The following CRPPA variants were observed in gnomAD, a reference collection of about 807,000 sequenced individuals.
CRPPA encodes the protein CDP-L-ribitol pyrophosphorylase A.
Under a neutral mutation model 52.0 loss-of-function variants are expected in CRPPA, and 43 were observed. The observed-to-expected ratio is 0.83, with a 90% CI of 0.65 to 1.07. The LOEUF (loss-of-function observed/expected upper bound fraction) is 1.07, where lower values mean the gene tolerates loss of function less well. Ranked by LOEUF, CRPPA falls within the 50% of genes least tolerant of loss-of-function variation. CRPPA has a pLI of 0.00. For synonymous variants in CRPPA, 250 were observed against 203.5 expected, an observed-to-expected ratio of 1.23 and a Z score of -1.94; for missense variants, 629 against 551.7, an observed-to-expected ratio of 1.14 and a Z score of -1.40.
intron 2 of CRPPA, among the ~76,000 whole-genome samples, chr7:16,398,283 G>T (rs1787672479): frequency 6.6e-6 from 1 of 151,830 alleles, no homozygotes; most frequent in African/African-American, 2.4e-5. Context: ...TGATTGACAA[G>T]ACAAACACGT....
intron 5 of CRPPA, among the ~76,000 whole-genome samples, chr7:16,298,661 T>A (rs1269326785): frequency 6.6e-6 from 1 of 152,230 alleles, no homozygotes; most frequent in Non-Finnish European, 1.5e-5. Flanking sequence ...ATTTTATGTG[T>A]CAATTACATC....
intron 3 of CRPPA, among the ~76,000 whole-genome samples, chr7:16,347,221 C>G (rs1454612591): frequency 2.0e-5 from 3 of 152,040 alleles, no homozygotes; most frequent in Non-Finnish European, 4.4e-5. Flanking sequence ...ATATAACAAG[C>G]AGGAAAACCA....
chr7:16,119,035 C>G (rs950948890), intron 9 of CRPPA, among the ~76,000 whole-genome samples: 1 of 152,108 alleles, frequency 6.6e-6, no homozygotes, highest in African/African-American at 2.4e-5. Flanking sequence ...TTTGCCCGGT[C>G]TCCGAAGGAG....
At chr7:16,290,147 G>A (rs1428557737) in intron 5 of CRPPA, among the ~76,000 whole-genome samples, 1 of 151,840 alleles carries the variant, frequency 6.6e-6, no homozygotes, top group Non-Finnish European at 1.5e-5. Flanking sequence ...GAAAGAAACT[G>A]AAGAGGACAT....
intron 9 of CRPPA, among the ~76,000 whole-genome samples, chr7:16,130,307 G>C (rs945453762): frequency 2.0e-5 from 3 of 152,162 alleles, no homozygotes; most frequent in Non-Finnish European, 4.4e-5. Context: ...TCTAAATAAA[G>C]TCTCCAGAAA....
chr7:16,343,246 T>A (rs1785920443), intron 3 of CRPPA, among the ~76,000 whole-genome samples: 1 of 152,056 alleles, frequency 6.6e-6, no homozygotes, highest in Non-Finnish European at 1.5e-5. Flanking sequence ...GCATGCAACA[T>A]CTAGGGGATG....
intron 3 of CRPPA, among the ~76,000 whole-genome samples, chr7:16,364,458 C>G (rs1226915642): frequency 6.6e-6 from 1 of 152,138 alleles, no homozygotes; most frequent in Non-Finnish European, 1.5e-5. Flanking sequence ...ATTCCATTTT[C>G]TATGAGTCCT....
In CRPPA at chr7:16,335,449, G is replaced by T. The variant is rs191175413; in HGVS notation, c.685-26822C>A. 6.6e-5 allele frequency among the ~76,000 whole-genome samples: 10 copies of T among 152,176 alleles called. No homozygotes were observed. The East Asian group carries it at 1.9e-3, about 29-fold the overall frequency. On this transcript the variant is annotated intron_variant, in intron 3 of 9. Transcript: ENST00000407010. ...AATTCATGAACAAAATGAGAAGTTT[G>T]ACAAAGAAATAGAAACAAAATCCAA...
At chr7:16,403,885 T>A (rs1787889227) in intron 2 of CRPPA, among the ~76,000 whole-genome samples, 1 of 152,174 alleles carries the variant, frequency 6.6e-6, no homozygotes, top group Non-Finnish European at 1.5e-5. Flanking sequence ...AAGTTGTAGA[T>A]AACCAATAGC....
At chr7:16,258,895 C>T (rs1284195325) in intron 7 of CRPPA, 25 bp downstream of exon 7, 2 of 1,463,740 alleles carry the variant, frequency 1.4e-6, no homozygotes, top group East Asian at 4.6e-5. Flanking sequence ...TCCTTAAGTG[C>T]CTTCAATCAT....
chr7:16,322,607 C>T (rs1345482104), intron 3 of CRPPA, among the ~76,000 whole-genome samples: 1 of 152,070 alleles, frequency 6.6e-6, no homozygotes, highest in African/African-American at 2.4e-5. Context: ...AAGGAATAAT[C>T]ACTATTTTTA....
intron 9 of CRPPA, among the ~76,000 whole-genome samples, chr7:16,145,162 G>A (rs1782950515): frequency 6.6e-6 from 1 of 152,190 alleles, no homozygotes; most frequent in Non-Finnish European, 1.5e-5. Flanking sequence ...CCATAGTCTG[G>A]AAGCAGTTCT....
chr7:16,101,496 T>C (rs1782043604), intron 9 of CRPPA, among the ~76,000 whole-genome samples: 1 of 152,150 alleles, frequency 6.6e-6, no homozygotes, highest in Non-Finnish European at 1.5e-5. Flanking sequence ...AGTGGTGATA[T>C]CCCCTTTATC....
At chr7:16,233,145 A>C (rs1208236419) in intron 8 of CRPPA, among the ~76,000 whole-genome samples, 1 of 150,936 alleles carries the variant, frequency 6.6e-6, no homozygotes, top group Non-Finnish European at 1.5e-5. Flanking sequence ...ATTAAACAGC[A>C]AAAAAAAAGA....
chr7:16,370,843 T>C (rs2128311075), intron 3 of CRPPA, among the ~76,000 whole-genome samples: 1 of 152,238 alleles, frequency 6.6e-6, no homozygotes, highest in East Asian at 1.9e-4. Context: ...AGGAATGCAG[T>C]GTGAGTGCAC....
At chr7:16,114,251 C>A (rs535249858) in intron 9 of CRPPA, among the ~76,000 whole-genome samples, 1 of 151,602 alleles carries the variant, frequency 6.6e-6, no homozygotes, top group African/African-American at 2.4e-5. Context: ...TGAATACTTT[C>A]TCCAAAAATA....
At chr7:16,363,830 A>G (rs1016933239) in intron 3 of CRPPA, among the ~76,000 whole-genome samples, 6 of 152,198 alleles carry the variant, frequency 3.9e-5, no homozygotes, top group African/African-American at 1.4e-4. Context: ...AAAACTTACA[A>G]TTCAAATAGA....
At chr7:16,408,373 GAGA>G (rs1338937398) in intron 1 of CRPPA, among the ~76,000 whole-genome samples, 3 of 152,262 alleles carry the variant, frequency 2.0e-5, no homozygotes, top group East Asian at 3.9e-4. Context: ...CAGGCTAGGA[GAGA>G]AGGAGAGAGG....
At chr7:16,152,330 T>C (rs998823797) in intron 9 of CRPPA, among the ~76,000 whole-genome samples, 1 of 151,962 alleles carries the variant, frequency 6.6e-6, no homozygotes, top group Non-Finnish European at 1.5e-5. Context: ...AATTTATAAG[T>C]TACATAAGAT....
Sources: gnomAD v4.1 joint callset for allele counts (sites outside exome capture counted in the v4.1 genomes callset) on GRCh38, gnomAD v4.1.1 for gene constraint, MANE v1.5 for transcripts, NCBI Gene and HGNC (gene_info 2026-07-23, HGNC 2026-07-21) for gene names.